The following IGFBP2 variants were observed in gnomAD, a reference collection of about 807,000 sequenced individuals.
IGFBP2 encodes the protein insulin like growth factor binding protein 2.
IGFBP2 carries 12 observed loss-of-function variants against 26.2 expected under a neutral mutation model. The ratio of observed to expected loss-of-function variants is 0.46; its 90% CI spans 0.29 to 0.74. The LOEUF is 0.74. Among genes scored for constraint, IGFBP2 ranks in the 30% least tolerant of loss-of-function variants. The pLI, the probability that IGFBP2 is intolerant of heterozygous loss-of-function variation, is 0.09. For missense variants in IGFBP2, 328 were observed against 441.2 expected, an observed-to-expected ratio of 0.74 and a Z score of 2.30; for synonymous variants, 189 against 200.6, an observed-to-expected ratio of 0.94 and a Z score of 0.49.
intron 1 of IGFBP2, 92 bp from the exon 2 acceptor site, chr2:216,660,465 C>A: frequency 1.1e-6 from 1 of 899,046 alleles, no homozygotes. Flanking sequence ...TCATCTCCAC[C>A]CTCATCATCA....
chr2:216,644,710 A>C (rs960083226), intron 1 of IGFBP2, among the ~76,000 whole-genome samples: 1 of 152,166 alleles, frequency 6.6e-6, no homozygotes, highest in African/African-American at 2.4e-5. Flanking sequence ...TCTACCAGAA[A>C]GCTCATTTTG....
chr2:216,658,853 A>G (rs1697972734), intron 1 of IGFBP2, among the ~76,000 whole-genome samples: 1 of 152,178 alleles, frequency 6.6e-6, no homozygotes, highest in Non-Finnish European at 1.5e-5. Flanking sequence ...CACCCGGCCT[A>G]AGTCATCTTT....
intron 1 of IGFBP2, 43 bp downstream of exon 1, chr2:216,634,008 C>A: frequency 6.5e-7 from 1 of 1,542,134 alleles, no homozygotes; most frequent in Non-Finnish European, 8.8e-7. Context: ...ACTTGGAGGG[C>A]AGCGGAGAAG....
intron 1 of IGFBP2, among the ~76,000 whole-genome samples, chr2:216,648,071 A>T (rs1310058152): frequency 6.6e-6 from 1 of 152,178 alleles, no homozygotes; most frequent in African/African-American, 2.4e-5. Context: ...TCCCATCTGC[A>T]ATTTATCAGA....
rs181799040 is a variant in IGFBP2 at position 216,649,615 on chromosome 2, C to T, written c.443-10942C>T. 3.5e-3 allele frequency among the ~76,000 whole-genome samples: 538 copies of T among 152,328 alleles called. 7 individuals are homozygous for T. The highest frequency in any genetic ancestry group is 3.2e-3 in the Non-Finnish European group (218 of 68,036). ...GAGTGAAAGCTGATAGTGCTGTTTG[C>T]CATCTTGATATCAGTTTCTCTGGCT... On this transcript the variant is annotated intron_variant, in intron 1 of 3. Coordinates refer to ENST00000233809, the MANE Select transcript of IGFBP2 (RefSeq NM_000597.3).
chr2:216,655,375 G>C (rs1305858589), intron 1 of IGFBP2, among the ~76,000 whole-genome samples: 1 of 152,142 alleles, frequency 6.6e-6, no homozygotes, highest in Non-Finnish European at 1.5e-5. Flanking sequence ...TCTCGTGATA[G>C]CGAGTGAGTT....
intron 1 of IGFBP2, among the ~76,000 whole-genome samples, chr2:216,657,018 G>T (rs1186580912): frequency 2.6e-5 from 4 of 152,240 alleles, no homozygotes; most frequent in Non-Finnish European, 5.9e-5. Flanking sequence ...CAGGTACCAA[G>T]GGTTCGGGTG....
intron 2 of IGFBP2, chr2:216,661,101 CTTT>C (rs959568875): frequency 5.8e-6 from 2 of 342,238 alleles, no homozygotes; most frequent in Admixed American, 4.8e-5. Flanking sequence ...CTTGCTTACT[CTTT>C]TTTTTTTCCT....
intron 1 of IGFBP2, among the ~76,000 whole-genome samples, chr2:216,654,859 T>G (rs1404241556): frequency 6.6e-6 from 1 of 152,052 alleles, no homozygotes; most frequent in Non-Finnish European, 1.5e-5. Context: ...GTGGACAAAC[T>G]TGACCTTCAC....
At chr2:216,647,834 T>A (rs9341151) in intron 1 of IGFBP2, among the ~76,000 whole-genome samples, 1 of 152,072 alleles carries the variant, frequency 6.6e-6, no homozygotes, top group Non-Finnish European at 1.5e-5. Context: ...TTTATTTGTT[T>A]TTTTGAGACA....
At position 216,633,886 on chromosome 2, in the gene IGFBP2, G is replaced by A; in HGVS notation, c.363G>A (p.Leu121=). Residue 121 remains leucine, a synonymous_variant, in exon 1 of 4, where the codon CTG becomes CTA. Coordinates refer to ENST00000233809, the MANE Select transcript of IGFBP2 (RefSeq NM_000597.3). ...CYPHPGSELP[L]QALVMGEGTC... is the part of the protein sequence containing the mutation. ...CCCACCCGGGCTCCGAGCTGCCCCT[G>A]CAGGCGCTGGTCATGGGCGAGGGCA... 1.9e-6 allele frequency: 3 copies of A among 1,588,086 alleles called. No homozygotes were observed. The highest frequency in any genetic ancestry group is 1.7e-6 in the Non-Finnish European group (2 of 1,169,936).
At chr2:216,645,608 C>G (rs887105796) in intron 1 of IGFBP2, among the ~76,000 whole-genome samples, 3 of 152,186 alleles carry the variant, frequency 2.0e-5, no homozygotes, top group Non-Finnish European at 4.4e-5. Flanking sequence ...CTCAGATAAT[C>G]AAATGAGGTA....
At chr2:216,647,559 G>A (rs1697734068) in intron 1 of IGFBP2, among the ~76,000 whole-genome samples, 1 of 152,136 alleles carries the variant, frequency 6.6e-6, no homozygotes, top group Non-Finnish European at 1.5e-5. Flanking sequence ...CCCCTGTTAT[G>A]CCCAGGCTGG....
chr2:216,648,229 C>T (rs977737318), intron 1 of IGFBP2, among the ~76,000 whole-genome samples: 1 of 152,216 alleles, frequency 6.6e-6, no homozygotes, highest in Non-Finnish European at 1.5e-5. Context: ...TGGACACCTC[C>T]ACCACTCAGC....
intron 1 of IGFBP2, among the ~76,000 whole-genome samples, chr2:216,645,097 T>G (rs1697685300): frequency 6.6e-6 from 1 of 152,212 alleles, no homozygotes. Flanking sequence ...TGAACTTGTT[T>G]TCTAAAATGC....
At chr2:216,663,624 C>A (rs561781421) in intron 3 of IGFBP2, 140 of 277,600 alleles carry the variant, frequency 5.0e-4, no homozygotes, top group Non-Finnish European at 7.1e-4. Context: ...GATGGGACCT[C>A]TTTGAGGCTG....
chr2:216,633,518 G>C lies in IGFBP2; in HGVS notation c.-6G>C. On this transcript the variant is annotated 5_prime_UTR_variant, in exon 1 of 4. Transcript: ENST00000233809. ...CGCCCGCCGCGCCGCGCTGCCGACC[G>C]CCAGCATGCTGCCGAGAGTGGGCTG... 1.3e-6 allele frequency: 1 copy of C among 792,512 alleles called. No individual in the cohort carries two copies. The allele number at this position is 792,512 out of a possible 1,614,324, so 49.1% of individuals were successfully genotyped here.
chr2:216,650,579 C>T (rs1013909162), intron 1 of IGFBP2, among the ~76,000 whole-genome samples: 1 of 152,198 alleles, frequency 6.6e-6, no homozygotes, highest in Non-Finnish European at 1.5e-5. Context: ...GTAGCCTGTG[C>T]CTGTTGGGCT....
At chr2:216,661,738 T>C (rs1688653440) in intron 2 of IGFBP2, 120 bp from the exon 3 acceptor site, 3 of 1,164,622 alleles carry the variant, frequency 2.6e-6, no homozygotes, top group African/African-American at 3.0e-5. Context: ...CCCTGCTGGC[T>C]GTGTGACCAT....
Sources: allele counts gnomAD v4.1 joint callset (sites outside exome capture counted in the v4.1 genomes callset), GRCh38; gene constraint gnomAD v4.1.1; transcripts MANE v1.5; gene names NCBI Gene and HGNC (gene_info 2026-07-23, HGNC 2026-07-21).